Variants in SCRIB observed in about 807,000 individuals in gnomAD.
SCRIB encodes scribble planar cell polarity protein.
SCRIB carries 72 observed loss-of-function variants against 170.0 expected under a neutral mutation model. That is an observed-to-expected ratio of 0.42 (90% CI 0.35 to 0.52). The LOEUF is 0.52. Among genes scored for constraint, SCRIB ranks in the 20% least tolerant of loss-of-function variants. SCRIB has a pLI of 0.02. For synonymous variants in SCRIB, 1,298 were observed against 1,044.3 expected, an observed-to-expected ratio of 1.24 and a Z score of -4.68; for missense variants, 2,475 against 2,338.5, an observed-to-expected ratio of 1.06 and a Z score of -1.20.
intron 21 of SCRIB, 22 bp from the exon 22 acceptor site, chr8:143,804,178 A>G: frequency 6.4e-7 from 1 of 1,555,314 alleles, no homozygotes; most frequent in Non-Finnish European, 8.8e-7. Flanking sequence ...GGGCGGGACA[A>G]GGACAGGCCT....
At chr8:143,808,356 G>A (rs558933946) in intron 15 of SCRIB, among the ~76,000 whole-genome samples, 6 of 151,830 alleles carry the variant, frequency 4.0e-5, no homozygotes, top group South Asian at 2.1e-4. Flanking sequence ...GGGCAGGCCT[G>A]GGGTCCAAGC....
chr8:143,813,774 G>A, intron 3 of SCRIB, 44 bp downstream of exon 3: 2 of 1,611,144 alleles, frequency 1.2e-6, no homozygotes, highest in Non-Finnish European at 1.7e-6. Flanking sequence ...CCAGGGCTGT[G>A]GGACCCATAG....
In SCRIB at chr8:143,815,381, T is replaced by A. The variant is rs1295527235; in HGVS notation, c.-9A>T. 2 of 1,278,404 alleles carry A rather than the reference T, an allele frequency of 1.6e-6. No individual in the cohort carries two copies. The highest frequency in any genetic ancestry group is 3.5e-5 in the East Asian group (1 of 28,292). 79.2% of individuals were successfully genotyped at this position (1,278,404 alleles called of 1,614,324 possible). Reference sequence around the variant, plus strand: ...GGGATGCACTTGAGCATGGTGCGGGTGGGCGGCGCGGGCTCCGGCGGCGGC... The same window carrying A: ...GGGATGCACTTGAGCATGGTGCGGGAGGGCGGCGCGGGCTCCGGCGGCGGC... On this transcript the variant is annotated 5_prime_UTR_variant, in exon 1 of 37. Transcript: ENST00000356994.
rs369912136 is a variant in SCRIB at position 143,808,589 on chromosome 8, G to A, written c.2115+20C>T. The A allele has an allele frequency of 1.9e-5, 28 of 1,500,258 alleles. No homozygotes were observed. Among genetic ancestry groups the A allele is most frequent in the African/African-American group, 4.2e-5 (3 of 71,058 alleles). 92.9% of individuals were successfully genotyped at this position (1,500,258 alleles called of 1,614,324 possible). ...GGGCCAGGGGAATCTGGGTCAGGCA[G>A]GGGTGAGGCTGACACCAACCTTGAC... is the stretch of plus-strand genomic sequence containing the variant. On this transcript the variant is annotated intron_variant, in intron 15 of 36. Coordinates refer to ENST00000356994, the MANE Select transcript of SCRIB (RefSeq NM_182706.5).
chr8:143,807,484 G>C, intron 16 of SCRIB, 68 bp downstream of exon 16: 2 of 1,281,542 alleles, frequency 1.6e-6, no homozygotes, highest in Non-Finnish European at 2.3e-6. Flanking sequence ...GGGGAGAGGC[G>C]TGAGCCCACA....
At chr8:143,812,218 T>C in intron 9 of SCRIB, 48 bp downstream of exon 9, 1 of 1,236,990 alleles carries the variant, frequency 8.1e-7, no homozygotes, top group Non-Finnish European at 1.2e-6. Flanking sequence ...GTCCTTGTTC[T>C]GCACCCCCGA....
chr8:143,809,707 C>T lies in SCRIB; in HGVS notation c.1542G>A (p.Leu514=). ...SPLPAEEEKR[L]SAESGLSEDS... ...CTTCACTCAGGCCAGACTCGGCACTCAGCCGCTTCTCCTGCGGCGGGAAGT... is the reference window on the plus strand; with the variant it reads ...CTTCACTCAGGCCAGACTCGGCACTTAGCCGCTTCTCCTGCGGCGGGAAGT... The change falls in exon 14 of 37, where the codon CTG becomes CTA. Residue 514 remains leucine, a synonymous_variant. Transcript: ENST00000356994. The T allele has an allele frequency of 6.2e-7, 1 of 1,608,934 alleles. No homozygotes were observed. Among genetic ancestry groups the T allele is most frequent in the Non-Finnish European group, 8.5e-7 (1 of 1,179,314 alleles).
intron 21 of SCRIB, 42 bp downstream of exon 21, chr8:143,804,526 G>C: frequency 3.4e-6 from 5 of 1,482,608 alleles, no homozygotes; most frequent in Non-Finnish European, 3.6e-6. Flanking sequence ...AGTGCCCACA[G>C]CTGAAGCTGG....
At position 143,791,305 on chromosome 8, in the gene SCRIB, G is replaced by A. The variant is rs146664605; in HGVS notation, c.4826C>T (p.Pro1609Leu). The change falls in exon 37 of 37, where the codon CCG becomes CTG. Residue 1609 changes from proline (P) to leucine (L), a missense_variant. Physicochemically the swap from Pro to Leu is moderately conservative, Grantham distance 98. Coordinates refer to ENST00000356994, the MANE Select transcript of SCRIB (RefSeq NM_182706.5). ...AGCCACTTCTCCATCCTCCTCCTGC[G>A]GGCCTGGAGGGCAGGGACAGGTGGG... ...RSLEPSPSPG[P>L]QEEDGEVALV... 28,537 of 1,565,860 alleles carry A rather than the reference G, an allele frequency of 0.018. 304 individuals carry two copies. The highest frequency in any genetic ancestry group is 0.021 in the Non-Finnish European group (23,890 of 1,155,516).
chr8:143,811,310 C>G lies in SCRIB; in HGVS notation c.942G>C (p.Leu314=). 6.2e-7 allele frequency: 1 copy of G among 1,612,776 alleles called. No homozygotes were observed. The highest frequency in any genetic ancestry group is 8.5e-7 in the Non-Finnish European group (1 of 1,179,858). The change falls in exon 10 of 37, where the codon CTG becomes CTC. Residue 314 remains leucine (L), a synonymous_variant. Transcript: ENST00000356994. ...LPRSLGKLTK[L]TNLNVDRNHL... is the part of the protein sequence containing the mutation. The stretch of plus-strand genomic sequence containing the variant: ...GGTTCCGGTCCACGTTGAGGTTGGT[C>G]AGCTTAGTCAGCTTTCCCAGGGAGC...
Position 143,814,138 on chromosome 8 carries a change from G to A in SCRIB, c.160-20C>T, listed in dbSNP as rs540592083. The A allele has an allele frequency of 9.1e-6, 14 of 1,541,540 alleles. No homozygotes were observed. Among genetic ancestry groups the A allele is most frequent in the Middle Eastern group, 1.8e-4 (1 of 5,622 alleles). ...AAAAGGCTGTGGGCAGGGAGGACACGGACTCTGTGGCAGAGACCACTGCAG... is the reference window on the plus strand; with the variant it reads ...AAAAGGCTGTGGGCAGGGAGGACACAGACTCTGTGGCAGAGACCACTGCAG... On this transcript the variant is annotated intron_variant, in intron 1 of 36. Coordinates refer to ENST00000356994, the MANE Select transcript of SCRIB (RefSeq NM_182706.5).
chr8:143,792,768 G>A lies in SCRIB; in HGVS notation c.4117C>T (p.Pro1373Ser), dbSNP rs971715358. 3.2e-6 allele frequency: 5 copies of A among 1,586,498 alleles called. No homozygotes were observed. In the African/African-American group the frequency reaches 5.4e-5, roughly 17 times the overall value. Residue 1373 changes from proline (P) to serine (S), a missense_variant, in exon 30 of 37, where the codon CCC (proline) becomes TCC (serine). By Grantham distance (74) the Pro-to-Ser change is moderately conservative. Transcript: ENST00000356994. ...CCCACCAGGGACACGCGCTTAGGGG[G>A]GCCCTCGGCCTGGGGCACGCGCACC... ...LEVRVPQAEG[P>S]PKRVSLVGAD...
rs782489180 is a variant in SCRIB at position 143,804,948 on chromosome 8, C to T, written c.2737G>A (p.Asp913Asn). ...AHRAGTLQVGDRVLSINGVDV... is the reference protein window; with the variant it reads ...AHRAGTLQVGNRVLSINGVDV... ...TCCCCACTCACAGAGAGGACGCGGT[C>T]GCCAACCTGCAGTGTGCCCGCGCGG... is the stretch of plus-strand genomic sequence containing the variant. The change falls in exon 20 of 37, where the codon GAC (aspartate) becomes AAC (asparagine). Residue 913 changes from aspartate to asparagine, a missense_variant. By Grantham distance (23) the Asp-to-Asn change is conservative. Transcript: ENST00000356994. 5.1e-6 allele frequency: 8 copies of T among 1,567,148 alleles called. No individual in the cohort carries two copies. The highest frequency in any genetic ancestry group is 1.3e-5 in the African/African-American group (1 of 74,420).
At chr8:143,813,422 G>T (rs1487329736) in intron 5 of SCRIB, 48 bp from the exon 6 acceptor site, 2 of 1,613,130 alleles carry the variant, frequency 1.2e-6, no homozygotes, top group South Asian at 2.2e-5. Context: ...CCTGGTCCCT[G>T]GGCTGTGGCC....
In SCRIB at chr8:143,792,775, G is replaced by C. The variant is rs782585787; in HGVS notation, c.4110C>G (p.Ala1370=). 1.9e-6 allele frequency: 3 copies of C among 1,584,948 alleles called. No individual in the cohort carries two copies. The highest frequency in any genetic ancestry group is 1.7e-6 in the Non-Finnish European group (2 of 1,168,306). Residue 1370 remains alanine (A), a synonymous_variant, in exon 30 of 37, where the codon GCC becomes GCG. Coordinates refer to ENST00000356994, the MANE Select transcript of SCRIB (RefSeq NM_182706.5). ...GGGACACGCGCTTAGGGGGGCCCTC[G>C]GCCTGGGGCACGCGCACCTCCAGCT... ...YFELEVRVPQ[A]EGPPKRVSLV...
At position 143,815,606 on chromosome 8, in the gene SCRIB, G is replaced by A. The variant is rs993834037; in HGVS notation, c.-234C>T. 3.1e-6 allele frequency: 3 copies of A among 982,152 alleles called. No individual in the cohort carries two copies. The highest frequency in any genetic ancestry group is 5.2e-4 in the Middle Eastern group (1 of 1,934). 60.8% of individuals were successfully genotyped at this position (982,152 alleles called of 1,614,324 possible). A position where few individuals can be genotyped will look rare whatever the true frequency, so the allele number is the denominator to read the frequency against. Reference sequence around the variant, plus strand: ...GGCCCGGCGGGTCTCAGACTCTTAGGAAGCGCGGGGAGCGGCGGCGGCGGC... The same window carrying A: ...GGCCCGGCGGGTCTCAGACTCTTAGAAAGCGCGGGGAGCGGCGGCGGCGGC... On this transcript the variant is annotated 5_prime_UTR_variant, in exon 1 of 37. Coordinates refer to ENST00000356994, the MANE Select transcript of SCRIB (RefSeq NM_182706.5).
rs763345142 is a variant in SCRIB, at chr8:143,813,392, T to G, written c.504-18A>C. The G allele has an allele frequency of 7.4e-6, 12 of 1,612,940 alleles. No individual in the cohort carries two copies. The highest frequency in any genetic ancestry group is 2.2e-5 in the East Asian group (1 of 44,864). ...ACAGGGACCTGCAGAGGAAGCAGGG[T>G]GGAGGTGTGGCCACGCAGCCCTGGT... On this transcript the variant is annotated intron_variant, in intron 5 of 36. Transcript: ENST00000356994.
chr8:143,811,332 G>A lies in SCRIB; in HGVS notation c.920C>T (p.Ser307Phe), dbSNP rs759523763. ...GGTCAGCTTAGTCAGCTTTCCCAGGGAGCGGGGCAGGGCCTGGCCAAGAAG... is the reference window on the plus strand; with the variant it reads ...GGTCAGCTTAGTCAGCTTTCCCAGGAAGCGGGGCAGGGCCTGGCCAAGAAG... ...TENLLMALPR[S>F]LGKLTKLTNL... The change falls in exon 10 of 37, where the codon TCC becomes TTC. Residue 307 changes from serine to phenylalanine, a missense_variant. Coordinates refer to ENST00000356994, the MANE Select transcript of SCRIB (RefSeq NM_182706.5). 1 of 1,612,656 alleles carries A rather than the reference G, an allele frequency of 6.2e-7. No individual in the cohort carries two copies. The highest frequency in any genetic ancestry group is 8.5e-7 in the Non-Finnish European group (1 of 1,179,766).
chr8:143,792,162 T>TGGGGCA, intron 32 of SCRIB, 29 bp from the exon 33 acceptor site: 1 of 1,557,832 alleles, frequency 6.4e-7, no homozygotes, highest in South Asian at 1.2e-5. Context: ...AGGGGTGACT[T>TGGGGCA]GGGGCAGGAG....
Sources: allele counts gnomAD v4.1 joint callset (sites outside exome capture counted in the v4.1 genomes callset), GRCh38; gene constraint gnomAD v4.1.1; transcripts MANE v1.5; gene names NCBI Gene and HGNC (gene_info 2026-07-23, HGNC 2026-07-21).